The following COL22A1 variants were observed in gnomAD, a reference collection of about 807,000 sequenced individuals.
The protein encoded by COL22A1 is collagen type XXII alpha 1 chain.
A neutral mutation model predicts 248.9 loss-of-function variants in COL22A1; 221 were observed. The observed-to-expected ratio is 0.89, with a 90% CI of 0.80 to 0.99. COL22A1 has a LOEUF of 0.99. Ranked by LOEUF, COL22A1 falls within the 50% of genes least tolerant of loss-of-function variation. The pLI is 0.00. For missense variants in COL22A1, 2,240 were observed against 2,179.0 expected (o/e 1.03, Z -0.56); for synonymous variants, 891 against 793.4 (o/e 1.12, Z -2.07).
intron 27 of COL22A1, among the ~76,000 whole-genome samples, chr8:138,718,825 T>C (rs1829645408): frequency 6.6e-6 from 1 of 152,220 alleles, no homozygotes; most frequent in Non-Finnish European, 1.5e-5. Flanking sequence ...CTTCTCTGAA[T>C]CTTTCAACCA....
intron 49 of COL22A1, among the ~76,000 whole-genome samples, chr8:138,632,713 C>T (rs1820831542): frequency 6.6e-6 from 1 of 152,110 alleles, no homozygotes; most frequent in South Asian, 2.1e-4. Context: ...ACTCCTGGGG[C>T]AGGGTGCAAT....
chr8:138,711,563 G>A (rs558940440), intron 30 of COL22A1, among the ~76,000 whole-genome samples: 5 of 152,128 alleles, frequency 3.3e-5, no homozygotes, highest in African/African-American at 9.7e-5. Context: ...AAAAGTCCAC[G>A]GCAGCAGCAG....
chr8:138,827,108 T>A, intron 5 of COL22A1: 1 of 323,568 alleles, frequency 3.1e-6, no homozygotes, highest in East Asian at 6.4e-5. Context: ...CGGGATCAAA[T>A]ATGGAGAGAC....
At chr8:138,597,926 A>G (rs1461583114) in intron 61 of COL22A1, among the ~76,000 whole-genome samples, 2 of 152,148 alleles carry the variant, frequency 1.3e-5, no homozygotes, top group Admixed American at 6.5e-5. Flanking sequence ...CCTGAAACCC[A>G]GGCTGACCAC....
rs1255345523 is a variant in COL22A1 at position 138,651,724 on chromosome 8, C to CATGGATGGATGGATGG, written c.3334-1947_3334-1946insCCATCCATCCATCCAT. Among the ~76,000 whole-genome samples the CATGGATGGATGGATGG allele has an allele frequency of 2.6e-3, 388 of 152,096 alleles. 2 individuals are homozygous for CATGGATGGATGGATGG. The highest frequency in any genetic ancestry group is 9.1e-3 in the African/African-American group (376 of 41,516). Reference sequence around the variant, plus strand: ...GAAACATTGCAACTGTGGATGGATGCACGGATGGATGGATGGATGGATGGA... The same window carrying CATGGATGGATGGATGG: ...GAAACATTGCAACTGTGGATGGATGCATGGATGGATGGATGGACGGATGGATGGATGGATGGATGGA... On this transcript the variant is annotated intron_variant, in intron 45 of 64. Coordinates refer to ENST00000303045, the MANE Select transcript of COL22A1 (RefSeq NM_152888.3).
chr8:138,819,189 G>T (rs547354826), intron 7 of COL22A1, among the ~76,000 whole-genome samples: 2 of 152,254 alleles, frequency 1.3e-5, no homozygotes, highest in Admixed American at 6.5e-5. Flanking sequence ...TTGCCAGAAT[G>T]CCACTTCCTA....
intron 1 of COL22A1, among the ~76,000 whole-genome samples, chr8:138,912,256 T>G (rs1276178306): frequency 4.6e-5 from 7 of 152,220 alleles, no homozygotes; most frequent in African/African-American, 1.4e-4. Context: ...GCAACTTGCA[T>G]GCAGCTGGGC....
intron 37 of COL22A1, among the ~76,000 whole-genome samples, chr8:138,685,617 C>T (rs1375634419): frequency 2.0e-5 from 3 of 152,084 alleles, no homozygotes; most frequent in South Asian, 2.1e-4. Context: ...ATATGAGTAG[C>T]GTCTTTTAAA....
intron 27 of COL22A1, among the ~76,000 whole-genome samples, chr8:138,717,644 C>G (rs1382191661): frequency 1.3e-5 from 2 of 152,058 alleles, no homozygotes; most frequent in Non-Finnish European, 2.9e-5. Context: ...AAAAAAAATT[C>G]TGTAGAGAAA....
At chr8:138,632,118 C>G (rs1820775540) in intron 49 of COL22A1, among the ~76,000 whole-genome samples, 1 of 152,122 alleles carries the variant, frequency 6.6e-6, no homozygotes, top group African/African-American at 2.4e-5. Flanking sequence ...CAGTGAAAGG[C>G]TGGAAATTGC....
At chr8:138,831,119 C>T (rs926740872) in intron 5 of COL22A1, among the ~76,000 whole-genome samples, 2 of 152,140 alleles carry the variant, frequency 1.3e-5, no homozygotes, top group Non-Finnish European at 2.9e-5. Context: ...CTGTGAGCCA[C>T]GGATGAAATG....
At chr8:138,696,366 A>G (rs1206756415) in intron 32 of COL22A1, among the ~76,000 whole-genome samples, 1 of 152,154 alleles carries the variant, frequency 6.6e-6, no homozygotes. Flanking sequence ...GGGTGTTTGC[A>G]AGACACGGCT....
At chr8:138,886,471 G>A (rs1824677332) in intron 1 of COL22A1, among the ~76,000 whole-genome samples, 1 of 152,082 alleles carries the variant, frequency 6.6e-6, no homozygotes, top group Non-Finnish European at 1.5e-5. Context: ...AAGAAGGGGA[G>A]GCTGATGGCT....
chr8:138,726,591 G>A (rs929149838), intron 23 of COL22A1, among the ~76,000 whole-genome samples: 15 of 152,104 alleles, frequency 9.9e-5, no homozygotes, highest in South Asian at 2.1e-4. Flanking sequence ...ACACCAGGTC[G>A]TTCTTGCACC....
intron 6 of COL22A1, chr8:138,825,926 T>C (rs944492767): frequency 3.3e-5 from 5 of 152,206 alleles, no homozygotes; most frequent in African/African-American, 1.2e-4. Context: ...ACAGATGGTG[T>C]TGATGGCTTT....
chr8:138,717,305 G>A lies in COL22A1; in HGVS notation c.2356-436C>T, dbSNP rs191076200. ...TGGGACTACAGGTGCCTGCCACCACGCCCAGCTAATTTTTTGTATTTTTAG... is the reference window on the plus strand; with the variant it reads ...TGGGACTACAGGTGCCTGCCACCACACCCAGCTAATTTTTTGTATTTTTAG... On this transcript the variant is annotated intron_variant, in intron 27 of 64. Coordinates refer to ENST00000303045, the MANE Select transcript of COL22A1 (RefSeq NM_152888.3). Among the ~76,000 whole-genome samples the A allele has an allele frequency of 5.9e-4, 90 of 151,880 alleles. No individual in the cohort carries two copies. The East Asian group carries it at 0.016, about 27-fold the overall frequency.
intron 44 of COL22A1, among the ~76,000 whole-genome samples, chr8:138,657,664 G>A (rs11993715): frequency 0.15 from 22,394 of 152,206 alleles, 2,775 homozygotes; most frequent in African/African-American, 0.33. Flanking sequence ...GCAGACTGCC[G>A]TCTCTGCCTT....
At chr8:138,640,153 C>T (rs1821547303) in intron 47 of COL22A1, among the ~76,000 whole-genome samples, 1 of 152,194 alleles carries the variant, frequency 6.6e-6, no homozygotes, top group Admixed American at 6.5e-5. Flanking sequence ...TGGTTTAATG[C>T]TATTCAATAA....
At chr8:138,767,292 T>C (rs1833983716) in intron 16 of COL22A1, among the ~76,000 whole-genome samples, 1 of 151,880 alleles carries the variant, frequency 6.6e-6, no homozygotes, top group Non-Finnish European at 1.5e-5. Context: ...AAGAAATCAC[T>C]TGGAAGGGAC....
Sources: allele counts gnomAD v4.1 joint callset (sites outside exome capture counted in the v4.1 genomes callset), GRCh38; gene constraint gnomAD v4.1.1; transcripts MANE v1.5; gene names NCBI Gene and HGNC (gene_info 2026-07-23, HGNC 2026-07-21).